SMURF1: variants seen among roughly 807,000 people sequenced by gnomAD.
SMURF1 encodes SMAD specific E3 ubiquitin protein ligase 1.
A neutral mutation model predicts 98.0 loss-of-function variants in SMURF1; 44 were observed. The observed-to-expected ratio is 0.45, with a 90% confidence interval of 0.35 to 0.58. The LOEUF (loss-of-function observed/expected upper bound fraction) is 0.58, where lower values mean the gene tolerates loss of function less well. Among genes scored for constraint, SMURF1 ranks in the 20% least tolerant of loss-of-function variants. The pLI is 0.00. For missense variants in SMURF1, 687 were observed against 938.4 expected (o/e 0.73, Z 3.50); for synonymous variants, 396 against 374.9 (o/e 1.06, Z -0.65).
chr7:99,102,693 A>G lies in SMURF1; in HGVS notation c.56-40856T>C, dbSNP rs115751148. On this transcript the variant is annotated intron_variant, in intron 1 of 17. Transcript: ENST00000361368. ...ACACATGCAAAAAATCTATACTTAA[A>G]TAAGTGGCTCTTTCAATGTTATAAG... Among the ~76,000 whole-genome samples the G allele has an allele frequency of 1.2e-3, 184 of 152,366 alleles. 2 individuals carry two copies. The highest frequency in any genetic ancestry group is 4.2e-3 in the African/African-American group (173 of 41,592).
intron 1 of SMURF1, among the ~76,000 whole-genome samples, chr7:99,081,861 C>G (rs578067771): frequency 6.6e-6 from 1 of 152,328 alleles, no homozygotes; most frequent in African/African-American, 2.4e-5. Flanking sequence ...CCGTGTTGGC[C>G]AGGCTGGTCT....
intron 1 of SMURF1, among the ~76,000 whole-genome samples, chr7:99,073,765 CAAA>C (rs764379109): frequency 9.8e-6 from 1 of 102,228 alleles, no homozygotes; most frequent in Admixed American, 1.1e-4. Context: ...GATTCCATCT[CAAA>C]AAAAAAAAAA....
intron 1 of SMURF1, among the ~76,000 whole-genome samples, chr7:99,068,608 T>A (rs561462781): frequency 1.8e-4 from 28 of 152,264 alleles, no homozygotes; most frequent in Middle Eastern, 6.8e-3. Flanking sequence ...CCCAGATCAA[T>A]CTTTTGAATG....
At chr7:99,105,976 C>T (rs114681581) in intron 1 of SMURF1, among the ~76,000 whole-genome samples, 126 of 152,266 alleles carry the variant, frequency 8.3e-4, no homozygotes, top group African/African-American at 2.4e-3. Context: ...TGCCTATTTC[C>T]AACCAATCAT....
At chr7:99,137,080 C>G (rs939705047) in intron 1 of SMURF1, among the ~76,000 whole-genome samples, 1 of 152,202 alleles carries the variant, frequency 6.6e-6, no homozygotes, top group Non-Finnish European at 1.5e-5. Flanking sequence ...TTTCTGAATA[C>G]ATAATTTATC....
chr7:99,131,017 C>T (rs1325947883), intron 1 of SMURF1, among the ~76,000 whole-genome samples: 1 of 152,148 alleles, frequency 6.6e-6, no homozygotes, highest in Non-Finnish European at 1.5e-5. Context: ...GGATTTAAAG[C>T]TGCAAGCAAA....
intron 1 of SMURF1, among the ~76,000 whole-genome samples, chr7:99,076,915 G>A (rs2150563365): frequency 6.6e-6 from 1 of 152,120 alleles, no homozygotes; most frequent in South Asian, 2.1e-4. Flanking sequence ...GGGCGGAAGG[G>A]GTAACATGGG....
intron 1 of SMURF1, among the ~76,000 whole-genome samples, chr7:99,080,578 C>T (rs1796558275): frequency 6.6e-6 from 1 of 152,170 alleles, no homozygotes; most frequent in Non-Finnish European, 1.5e-5. Context: ...GGATTACAGG[C>T]GTGAGCCACC....
chr7:99,079,345 G>A (rs991314404), intron 1 of SMURF1, among the ~76,000 whole-genome samples: 1 of 152,196 alleles, frequency 6.6e-6, no homozygotes, highest in Non-Finnish European at 1.5e-5. Context: ...AGAACACAGC[G>A]TGTCCGGTAC....
rs535921868 is a variant in SMURF1, at chr7:99,049,297, C to G, written c.953+266G>C. 7 of 400,682 alleles carry G rather than the reference C, an allele frequency of 1.7e-5. No individual in the cohort carries two copies. The South Asian group carries it at 1.9e-4, about 11-fold the overall frequency. 24.8% of individuals were successfully genotyped at this position (400,682 alleles called of 1,614,324 possible). A position where few individuals can be genotyped will look rare whatever the true frequency, so the allele number is the denominator to read the frequency against. ...GAGCGCTGCGTGCGGAAACTTCCTT[C>G]GTGCAGCCGCCTAATACTGCCATCT... On this transcript the variant is annotated intron_variant, in intron 9 of 17. Transcript: ENST00000361368.
chr7:99,045,095 T>C (rs1795528526), intron 11 of SMURF1, among the ~76,000 whole-genome samples: 1 of 151,518 alleles, frequency 6.6e-6, no homozygotes, highest in African/African-American at 2.4e-5. Flanking sequence ...GCTATGATTG[T>C]GCCACTGCAC....
intron 1 of SMURF1, among the ~76,000 whole-genome samples, chr7:99,063,521 C>T (rs925707961): frequency 6.7e-6 from 1 of 149,362 alleles, no homozygotes; most frequent in Non-Finnish European, 1.5e-5. Flanking sequence ...AGCTCCTGGC[C>T]TCAAGCAATC....
chr7:99,136,505 T>C (rs1431005545), intron 1 of SMURF1, among the ~76,000 whole-genome samples: 1 of 152,248 alleles, frequency 6.6e-6, no homozygotes, highest in Non-Finnish European at 1.5e-5. Context: ...TTTTGGGCTT[T>C]TAAAGATATA....
chr7:99,136,842 C>T (rs747778353), intron 1 of SMURF1, among the ~76,000 whole-genome samples: 14 of 151,974 alleles, frequency 9.2e-5, no homozygotes, highest in Non-Finnish European at 1.6e-4. Context: ...CTCAGCTACT[C>T]GGGAGGCTGA....
chr7:99,066,740 C>CT (rs1478180552), intron 1 of SMURF1, among the ~76,000 whole-genome samples: 4 of 149,898 alleles, frequency 2.7e-5, no homozygotes, highest in Non-Finnish European at 5.9e-5. Context: ...GACCACACCA[C>CT]TGCACTCCAG....
At position 99,134,739 on chromosome 7, in the gene SMURF1, T is replaced by G. The variant is rs114285418; in HGVS notation, c.55+8987A>C. On this transcript the variant is annotated intron_variant, in intron 1 of 17. Transcript: ENST00000361368. Reference sequence around the variant, plus strand: ...TTTACTCCTATTTTAAAGATGAGATTATTTTATAAAAATAGGTCAGAGATA... The same window carrying G: ...TTTACTCCTATTTTAAAGATGAGATGATTTTATAAAAATAGGTCAGAGATA... Among the ~76,000 whole-genome samples the G allele has an allele frequency of 1.1e-3, 174 of 152,342 alleles. 1 individual carries two copies. The highest frequency in any genetic ancestry group is 4.1e-3 in the African/African-American group (169 of 41,580).
At chr7:99,089,277 C>T (rs542772524) in intron 1 of SMURF1, among the ~76,000 whole-genome samples, 22 of 151,918 alleles carry the variant, frequency 1.4e-4, no homozygotes, top group African/African-American at 4.3e-4. Context: ...GTGTCAATTG[C>T]ATGCATGCCT....
intron 1 of SMURF1, among the ~76,000 whole-genome samples, chr7:99,107,888 T>A (rs1281972407): frequency 6.6e-6 from 1 of 152,180 alleles, no homozygotes; most frequent in Non-Finnish European, 1.5e-5. Flanking sequence ...CCTGTTGGCA[T>A]ATATACACAC....
chr7:99,113,837 TAAAAAAAA>T (rs71118659), intron 1 of SMURF1, among the ~76,000 whole-genome samples: 1 of 33,950 alleles, frequency 2.9e-5, no homozygotes, highest in Admixed American at 4.8e-4. Context: ...AGACTCCGTC[TAAAAAAAA>T]AAAAAAAAAA....
Sources: allele counts gnomAD v4.1 joint callset (sites outside exome capture counted in the v4.1 genomes callset), GRCh38; gene constraint gnomAD v4.1.1; transcripts MANE v1.5; gene names NCBI Gene and HGNC (gene_info 2026-07-23, HGNC 2026-07-21).